The following SEC24D variants were observed in gnomAD, a reference collection of about 807,000 sequenced individuals.
SEC24D encodes the protein SEC24 homolog D, COPII component.
In SEC24D, 69 loss-of-function variants were observed where a neutral mutation model predicts 116.9. The ratio of observed to expected loss-of-function variants is 0.59; its 90% CI spans 0.49 to 0.72. The LOEUF is 0.72. SEC24D is among the 30% of genes least tolerant of loss of function. The pLI, the probability that SEC24D is intolerant of heterozygous loss-of-function variation, is 0.00. For missense variants in SEC24D, 1,131 were observed against 1,264.1 expected (o/e 0.89, Z 1.60); for synonymous variants, 405 against 442.8 (o/e 0.91, Z 1.07).
chr4:118,810,209 T>C (rs1375715442), intron 6 of SEC24D, among the ~76,000 whole-genome samples: 1 of 151,484 alleles, frequency 6.6e-6, no homozygotes, highest in Non-Finnish European at 1.5e-5. Context: ...ACTTTGGTTT[T>C]TAGAGTATTG....
intron 15 of SEC24D, among the ~76,000 whole-genome samples, chr4:118,743,356 T>TAC (rs34621125): frequency 0.014 from 1,986 of 143,134 alleles, 10 homozygotes; most frequent in Middle Eastern, 0.03. Flanking sequence ...TATATATATA[T>TAC]ACACACACAC....
intron 7 of SEC24D, among the ~76,000 whole-genome samples, chr4:118,804,881 T>TACACACACACAC (rs1729601928): frequency 9.9e-6 from 1 of 100,830 alleles, no homozygotes; most frequent in Non-Finnish European, 2.1e-5. Flanking sequence ...TGTGTATGCA[T>TACACACACACAC]GCATACACAC....
chr4:118,818,429 T>G (rs1271939408), intron 3 of SEC24D, among the ~76,000 whole-genome samples: 4 of 152,230 alleles, frequency 2.6e-5, no homozygotes, highest in African/African-American at 9.6e-5. Flanking sequence ...ACCAGCGTTT[T>G]TCCAGGTCTT....
At chr4:118,820,425 C>G (rs889185142) in intron 3 of SEC24D, among the ~76,000 whole-genome samples, 1 of 152,122 alleles carries the variant, frequency 6.6e-6, no homozygotes, top group African/African-American at 2.4e-5. Flanking sequence ...GTGATCCGCC[C>G]GCCTTGGCCT....
At chr4:118,770,856 T>G (rs1727869056) in intron 8 of SEC24D, among the ~76,000 whole-genome samples, 1 of 152,216 alleles carries the variant, frequency 6.6e-6, no homozygotes, top group Admixed American at 6.5e-5. Context: ...TCTAGGCTAT[T>G]AAATACACTT....
intron 8 of SEC24D, among the ~76,000 whole-genome samples, chr4:118,792,315 G>T (rs1046435469): frequency 6.8e-6 from 1 of 146,914 alleles, no homozygotes; most frequent in African/African-American, 2.5e-5. Flanking sequence ...CGGGAGGTGG[G>T]GGGGCGCCTC....
intron 10 of SEC24D, among the ~76,000 whole-genome samples, chr4:118,761,051 G>A (rs898418219): frequency 2.0e-5 from 3 of 151,842 alleles, no homozygotes; most frequent in East Asian, 3.9e-4. Context: ...GGGAATTATC[G>A]TACTACCCTC....
At chr4:118,764,754 T>C in intron 10 of SEC24D, 48 bp downstream of exon 10, 1 of 1,054,716 alleles carries the variant, frequency 9.5e-7, no homozygotes, top group Non-Finnish European at 1.5e-6. Context: ...GTTATTCACT[T>C]GAATTTAACA....
In SEC24D at chr4:118,833,737, T is replaced by G. The variant is rs766494302; in HGVS notation, c.-41A>C. 3 of 1,397,232 alleles carry G rather than the reference T, an allele frequency of 2.1e-6. No individual in the cohort carries two copies. The allele number at this position is 1,397,232 out of a possible 1,614,324, so 86.6% of individuals were successfully genotyped here. On this transcript the variant is annotated splice_region_variant and 5_prime_UTR_variant, in exon 2 of 23. Coordinates refer to ENST00000280551, the MANE Select transcript of SEC24D (RefSeq NM_014822.4). The stretch of plus-strand genomic sequence containing the variant: ...CCATAGGATAATTCTACAAAAGAAG[T>G]CTGCAACAGAGAAACAAGAAACATG...
At chr4:118,820,672 TCG>T (rs1730364270) in intron 3 of SEC24D, among the ~76,000 whole-genome samples, 4 of 149,304 alleles carry the variant, frequency 2.7e-5, no homozygotes, top group African/African-American at 2.4e-5. Flanking sequence ...TTTTTTTTTT[TCG>T]CTATAAATAT....
chr4:118,780,729 T>A (rs528196590), intron 8 of SEC24D, among the ~76,000 whole-genome samples: 1 of 152,242 alleles, frequency 6.6e-6, no homozygotes, highest in African/African-American at 2.4e-5. Flanking sequence ...AGTCTCTTTT[T>A]AGGTGTCTAA....
At position 118,797,774 on chromosome 4, in the gene SEC24D, T is replaced by C. The variant is rs1729245972; in HGVS notation, c.950A>G (p.Tyr317Cys). ...CATATCTGACGTGCATGGAAAACAGTATGTTGTACAACGGATGAATCGAGG... is the reference window on the plus strand; with the variant it reads ...CATATCTGACGTGCATGGAAAACAGCATGTTGTACAACGGATGAATCGAGG... ...ASPRFIRCTT[Y>C]CFPCTSDMAK... is the part of the protein sequence containing the mutation. The change falls in exon 8 of 23, where the codon TAC becomes TGC. Residue 317 changes from tyrosine to cysteine, a missense_variant. Transcript: ENST00000280551. 2 of 1,610,718 alleles carry C rather than the reference T, an allele frequency of 1.2e-6. No homozygotes were observed. Among genetic ancestry groups the C allele is most frequent in the East Asian group, 4.5e-5 (2 of 44,848 alleles).
chr4:118,749,101 G>A (rs948171180), intron 13 of SEC24D, among the ~76,000 whole-genome samples: 2 of 151,616 alleles, frequency 1.3e-5, no homozygotes, highest in Non-Finnish European at 2.9e-5. Flanking sequence ...CTTTGGCCAA[G>A]TTAAAAGACA....
At chr4:118,751,279 A>G (rs1472244746) in intron 13 of SEC24D, among the ~76,000 whole-genome samples, 1 of 149,286 alleles carries the variant, frequency 6.7e-6, no homozygotes, top group East Asian at 2.0e-4. Context: ...CCCGGGTTCA[A>G]ACGATTCTCC....
chr4:118,724,808 C>A (rs1323061396), intron 22 of SEC24D, among the ~76,000 whole-genome samples: 1 of 152,152 alleles, frequency 6.6e-6, no homozygotes, highest in South Asian at 2.1e-4. Flanking sequence ...GTTAACTGAG[C>A]CACACATGCA....
At chr4:118,834,059 G>A (rs1730991209) in intron 1 of SEC24D, among the ~76,000 whole-genome samples, 4 of 152,168 alleles carry the variant, frequency 2.6e-5, no homozygotes, top group African/African-American at 9.7e-5. Context: ...CTATGATTTT[G>A]TGCTTTTGGT....
At chr4:118,810,137 T>TGTGTGTGTGTGTGTGAG (rs56961502) in intron 6 of SEC24D, among the ~76,000 whole-genome samples, 1 of 104,280 alleles carries the variant, frequency 9.6e-6, no homozygotes, top group Non-Finnish European at 2.1e-5. Flanking sequence ...TGTGTGTGTG[T>TGTGTGTGTGTGTGTGAG]CAGAGGGTAT....
intron 8 of SEC24D, among the ~76,000 whole-genome samples, chr4:118,794,909 G>C (rs897528930): frequency 1.3e-5 from 2 of 152,014 alleles, no homozygotes; most frequent in Admixed American, 6.6e-5. Context: ...AAAAAGTATA[G>C]AACAATGTGT....
intron 2 of SEC24D, among the ~76,000 whole-genome samples, chr4:118,831,640 A>G (rs1046686378): frequency 3.3e-5 from 5 of 150,082 alleles, no homozygotes; most frequent in African/African-American, 1.2e-4. Flanking sequence ...CTCATCAGCT[A>G]TTGTTAGTGT....
Sources: allele counts gnomAD v4.1 joint callset (sites outside exome capture counted in the v4.1 genomes callset), GRCh38; gene constraint gnomAD v4.1.1; transcripts MANE v1.5; gene names NCBI Gene and HGNC (gene_info 2026-07-23, HGNC 2026-07-21).